Variants in PTPRS observed in about 807,000 individuals in gnomAD.
The protein encoded by PTPRS is protein tyrosine phosphatase receptor type S, also known as receptor-type tyrosine-protein phosphatase S.
Under a neutral mutation model 215.3 loss-of-function variants are expected in PTPRS, and 63 were observed. The ratio of observed to expected loss-of-function variants is 0.29; its 90% CI spans 0.24 to 0.36. PTPRS has a LOEUF of 0.36. PTPRS is among the 10% of genes least tolerant of loss of function. PTPRS has a pLI of 1.00. For synonymous variants in PTPRS, 1,404 were observed against 1,191.4 expected (o/e 1.18, Z -3.68); for missense variants, 2,258 against 2,825.8 (o/e 0.80, Z 4.56).
At chr19:5,301,207 G>C (rs1015287877) in intron 1 of PTPRS, among the ~76,000 whole-genome samples, 3 of 152,172 alleles carry the variant, frequency 2.0e-5, no homozygotes, top group African/African-American at 7.2e-5. Context: ...AGTGGAGGAC[G>C]GGGGAGGGAC....
chr19:5,260,555 C>T (rs537377898), intron 7 of PTPRS, among the ~76,000 whole-genome samples: 2 of 152,324 alleles, frequency 1.3e-5, no homozygotes, highest in South Asian at 2.1e-4. Flanking sequence ...TAGGGTCCTT[C>T]CCAGAGGGGG....
At chr19:5,313,183 C>G (rs2049763879) in intron 1 of PTPRS, among the ~76,000 whole-genome samples, 1 of 152,228 alleles carries the variant, frequency 6.6e-6, no homozygotes, top group African/African-American at 2.4e-5. Context: ...TCCCAAAGTG[C>G]TGGGATGACA....
intron 2 of PTPRS, among the ~76,000 whole-genome samples, chr19:5,276,191 T>C (rs922542526): frequency 2.0e-5 from 3 of 152,114 alleles, no homozygotes; most frequent in Admixed American, 1.3e-4. Context: ...TCATTCAGTC[T>C]CTGCAATAAA....
Position 5,258,052 on chromosome 19 carries a change from A to G in PTPRS, c.671T>C (p.Val224Ala), listed in dbSNP as rs1302269430. Residue 224 changes from valine (V) to alanine (A), a missense_variant, in exon 8 of 38, where the codon GTG (valine) becomes GCG (alanine). Val to Ala is a moderately conservative substitution (Grantham distance 64). Around this residue, in one of 6 missense-constraint regions of PTPRS, gnomAD observed 508 missense variants for 799.4 expected, o/e 0.64. Transcript: ENST00000262963. Reference sequence around the variant, plus strand: ...GAGGTTGGCAGGTGAGGAGTAGCGCACGCCGGCGCTGTTGGTGGCCACACA... The same window carrying G: ...GAGGTTGGCAGGTGAGGAGTAGCGCGCGCCGGCGCTGTTGGTGGCCACACA... ...YECVATNSAG[V>A]RYSSPANLYV... 1 of 1,614,072 alleles carries G rather than the reference A, an allele frequency of 6.2e-7. No individual in the cohort carries two copies. Among genetic ancestry groups the G allele is most frequent in the South Asian group, 1.1e-5 (1 of 91,088 alleles).
chr19:5,212,405 GA>G lies in PTPRS; in HGVS notation c.4700del (p.Phe1567SerfsTer55). On this transcript the variant is annotated frameshift_variant, in exon 31 of 38. Transcript: ENST00000262963. LOFTEE classifies it high-confidence loss of function. ...TCTTGACTCTCCGCAGGAAAGCCAG[GA>G]AGGGCGTTGGGTATTCGGGCACGCC... ...DHGVPEYPTP[F>X]LAFLRRVKTC... The G allele has an allele frequency of 6.2e-7, 1 of 1,606,388 alleles. No individual in the cohort carries two copies. The highest frequency in any genetic ancestry group is 8.5e-7 in the Non-Finnish European group (1 of 1,176,386).
chr19:5,290,632 C>A lies in PTPRS; in HGVS notation c.-94-4398G>T, dbSNP rs369731404. On this transcript the variant is annotated intron_variant, in intron 1 of 37. Transcript: ENST00000262963. ...CTCCCGGTGCCTCTCCCAGCCCAGG[C>A]TCCAGCTGTAGAGTCCATGCTGCCC... 1.5e-4 allele frequency among the ~76,000 whole-genome samples: 23 copies of A among 152,228 alleles called. No homozygotes were observed. The East Asian group carries it at 4.1e-3, about 27-fold the overall frequency.
At chr19:5,280,278 C>A (rs1446087527) in intron 2 of PTPRS, among the ~76,000 whole-genome samples, 1 of 152,178 alleles carries the variant, frequency 6.6e-6, no homozygotes, top group Non-Finnish European at 1.5e-5. Context: ...CTGTGGGCCC[C>A]AACGCCTACC....
At chr19:5,212,822 GAC>G (rs766489147) in intron 30 of PTPRS, among the ~76,000 whole-genome samples, 32 of 148,116 alleles carry the variant, frequency 2.2e-4, no homozygotes, top group Non-Finnish European at 4.0e-4. Context: ...CAGCCTGGGT[GAC>G]AGAGTGAAAC....
At chr19:5,274,611 C>T (rs2047199874) in intron 2 of PTPRS, among the ~76,000 whole-genome samples, 1 of 39,608 alleles carries the variant, frequency 2.5e-5, no homozygotes, top group Non-Finnish European at 5.0e-5. Flanking sequence ...TACAACCTCA[C>T]CTGGGCACAC....
At chr19:5,207,875 G>T in intron 37 of PTPRS, 47 bp downstream of exon 37, 1 of 1,601,630 alleles carries the variant, frequency 6.2e-7, no homozygotes. Context: ...CTTAGGGGCA[G>T]TCGGGGCGTG....
chr19:5,307,621 C>A (rs986081746), intron 1 of PTPRS, among the ~76,000 whole-genome samples: 1 of 152,162 alleles, frequency 6.6e-6, no homozygotes, highest in Non-Finnish European at 1.5e-5. Context: ...CAGAAGATTT[C>A]TAGATAAACT....
At chr19:5,219,130 C>G (rs1262615390) in intron 23 of PTPRS, 180 bp downstream of exon 23, 1 of 842,094 alleles carries the variant, frequency 1.2e-6, no homozygotes, top group Non-Finnish European at 1.8e-6. Context: ...TGCTTTGAGC[C>G]CTAGCTCTGC....
At chr19:5,224,699 G>A (rs1287113000) in intron 17 of PTPRS, among the ~76,000 whole-genome samples, 2 of 152,172 alleles carry the variant, frequency 1.3e-5, no homozygotes, top group Non-Finnish European at 2.9e-5. Flanking sequence ...CTAATACAAT[G>A]TCCCTGAGAG....
intron 14 of PTPRS, among the ~76,000 whole-genome samples, chr19:5,230,510 G>T (rs2042924892): frequency 1.3e-5 from 2 of 152,194 alleles, no homozygotes; most frequent in Admixed American, 1.3e-4. Flanking sequence ...CCAGGCTGGA[G>T]TGCAGGGGTA....
At chr19:5,211,110 G>A (rs758762552) in intron 33 of PTPRS, among the ~76,000 whole-genome samples, 27 of 152,164 alleles carry the variant, frequency 1.8e-4, no homozygotes, top group East Asian at 7.7e-4. Context: ...AGTTGCTTGC[G>A]TGGGCCAAGC....
Position 5,229,525 on chromosome 19 carries a change from G to C in PTPRS, c.2315C>G (p.Pro772Arg). The C allele has an allele frequency of 1.4e-6, 2 of 1,463,166 alleles. No homozygotes were observed. The highest frequency in any genetic ancestry group is 1.3e-5 in the South Asian group (1 of 74,444). The allele number at this position is 1,463,166 out of a possible 1,614,324, so 90.6% of individuals were successfully genotyped here. The change falls in exon 15 of 38, where the codon CCG becomes CGG. Residue 772 changes from proline (P) to arginine (R), a missense_variant. Physicochemically the swap from Pro to Arg is moderately radical, Grantham distance 103. Transcript: ENST00000262963. ...RMEGAEARGP[P>R]RIKDVMLADA... ...GGCCAGCATGACGTCCTTGATGCGC[G>C]GCGGCCCGCGGGCCTCGGCGCCCTC...
intron 1 of PTPRS, among the ~76,000 whole-genome samples, chr19:5,322,888 AAAAAAAAAAAAAGAAG>A (rs928337519): frequency 1.5e-5 from 2 of 133,400 alleles, no homozygotes; most frequent in African/African-American, 6.9e-5. Flanking sequence ...TCAAAAAAAA[AAAAAAAAAAAAAGAAG>A]AAGAAGAAGA....
chr19:5,216,890 G>GGGTAT, intron 25 of PTPRS, 123 bp from the exon 26 acceptor site: 1 of 654,508 alleles, frequency 1.5e-6, no homozygotes, highest in Non-Finnish European at 2.8e-6. Context: ...GACAACGGGG[G>GGGTAT]GTATGTACAG....
intron 14 of PTPRS, 82 bp from the exon 15 acceptor site, chr19:5,229,766 G>A (rs2042861674): frequency 3.4e-6 from 3 of 874,770 alleles, no homozygotes; most frequent in East Asian, 3.5e-5. Flanking sequence ...GCCACTGTCC[G>A]ATTCCAGGAT....
Sources: allele counts gnomAD v4.1 joint callset (sites outside exome capture counted in the v4.1 genomes callset), GRCh38; gene constraint gnomAD v4.1.1; regional missense constraint gnomAD v4.1.1; transcripts MANE v1.5; gene names NCBI Gene and HGNC (gene_info 2026-07-23, HGNC 2026-07-21).